The following GARRE1 variants were observed in gnomAD, a reference collection of about 807,000 sequenced individuals.
GARRE1 encodes the protein granule associated Rac and RHOG effector protein 1.
In GARRE1, 49 loss-of-function variants were observed where a neutral mutation model predicts 103.2. The observed-to-expected ratio is 0.47, with a 90% CI of 0.38 to 0.60. The LOEUF is 0.60. GARRE1 is among the 20% of genes least tolerant of loss of function. GARRE1 has a pLI of 0.00. For missense variants in GARRE1, 1,199 were observed against 1,370.5 expected (o/e 0.87, Z 1.98); for synonymous variants, 505 against 532.8 (o/e 0.95, Z 0.72).
intron 1 of GARRE1, among the ~76,000 whole-genome samples, chr19:34,258,938 G>A (rs987418745): frequency 2.6e-5 from 4 of 152,162 alleles, no homozygotes; most frequent in Non-Finnish European, 5.9e-5. Context: ...AGGGGCTCAT[G>A]CCTGTGATCC....
At chr19:34,291,938 C>T (rs185016050) in intron 1 of GARRE1, among the ~76,000 whole-genome samples, 154 of 151,918 alleles carry the variant, frequency 1.0e-3, no homozygotes, top group Middle Eastern at 3.4e-3. Context: ...TGGCTCACTG[C>T]ACCCTTCACC....
At chr19:34,271,835 AAAAAC>A (rs1367128850) in intron 1 of GARRE1, among the ~76,000 whole-genome samples, 17 of 150,636 alleles carry the variant, frequency 1.1e-4, no homozygotes, top group South Asian at 2.1e-4. Flanking sequence ...TCTCAAAAAC[AAAAAC>A]AAAAACAAAA....
At chr19:34,322,576 TAC>T (rs1302098592) in intron 3 of GARRE1, among the ~76,000 whole-genome samples, 1 of 152,198 alleles carries the variant, frequency 6.6e-6, no homozygotes, top group African/African-American at 2.4e-5. Context: ...TGCTCCATTT[TAC>T]AGAGTAAAAG....
chr19:34,300,664 A>C lies in GARRE1; in HGVS notation c.191A>C (p.His64Pro), dbSNP rs1228089139. The change falls in exon 2 of 14, where the codon CAC (histidine) becomes CCC (proline). Residue 64 changes from histidine (H) to proline (P), a missense_variant. His to Pro is a moderately conservative substitution (Grantham distance 77). Coordinates refer to ENST00000299505, the MANE Select transcript of GARRE1 (RefSeq NM_014686.5). ...AGTCTGACCGCTGCAGGCAGCTGCC[A>C]CCATGCCATGCCCCACACTACTCCT... ...LGSLTAAGSC[H>P]HAMPHTTPIA... is the part of the protein sequence containing the mutation. 1 of 1,613,968 alleles carries C rather than the reference A, an allele frequency of 6.2e-7. No individual in the cohort carries two copies. The highest frequency in any genetic ancestry group is 1.1e-5 in the South Asian group (1 of 91,084).
chr19:34,312,905 C>G (rs1233114663), intron 2 of GARRE1, among the ~76,000 whole-genome samples: 1 of 151,756 alleles, frequency 6.6e-6, no homozygotes, highest in African/African-American at 2.4e-5. Flanking sequence ...CCAGCCTGAG[C>G]AACAAAAGTG....
chr19:34,271,069 A>G (rs2145957793), intron 1 of GARRE1, among the ~76,000 whole-genome samples: 1 of 152,282 alleles, frequency 6.6e-6, no homozygotes, highest in South Asian at 2.1e-4. Flanking sequence ...GAATTGAATT[A>G]CTAATTACTA....
intron 12 of GARRE1, among the ~76,000 whole-genome samples, chr19:34,350,019 A>G (rs959675540): frequency 6.6e-6 from 1 of 152,224 alleles, no homozygotes; most frequent in Admixed American, 6.5e-5. Flanking sequence ...TGTTTGTGCC[A>G]CTGCACTCTA....
intron 8 of GARRE1, among the ~76,000 whole-genome samples, chr19:34,337,595 C>T (rs77715576): frequency 0.015 from 2,245 of 152,230 alleles, 23 homozygotes; most frequent in South Asian, 0.023. Flanking sequence ...AAGTTGTAGA[C>T]GTCAAGACTT....
chr19:34,289,536 C>T (rs991349112), intron 1 of GARRE1, among the ~76,000 whole-genome samples: 2 of 151,836 alleles, frequency 1.3e-5, no homozygotes, highest in Non-Finnish European at 1.5e-5. Context: ...ACCATCTGGC[C>T]AACATGGTGA....
At chr19:34,322,907 C>G (rs1242729151) in intron 3 of GARRE1, among the ~76,000 whole-genome samples, 1 of 151,466 alleles carries the variant, frequency 6.6e-6, no homozygotes, top group African/African-American at 2.4e-5. Flanking sequence ...TTTTTTTAAA[C>G]TATCCCAGCA....
At chr19:34,324,503 CT>C (rs397859412) in intron 3 of GARRE1, among the ~76,000 whole-genome samples, 7,394 of 135,394 alleles carry the variant, frequency 0.055, 202 homozygotes, top group South Asian at 0.16. Context: ...CACCAGTGCA[CT>C]TTTTTTTTTT....
intron 8 of GARRE1, among the ~76,000 whole-genome samples, chr19:34,334,132 GT>G (rs1390858109): frequency 6.6e-6 from 1 of 152,116 alleles, no homozygotes; most frequent in East Asian, 1.9e-4. Context: ...GTCACCCAGT[GT>G]TCACTAAAGC....
chr19:34,262,287 CT>C lies in GARRE1; in HGVS notation c.-796+7701del, dbSNP rs1018456778. ...AGTGAGCCACCATGCCCAGCTGCTG[CT>C]TTTTTTTTTTTTTTTTTTTTTTTTT... On this transcript the variant is annotated intron_variant, in intron 1 of 13. Transcript: ENST00000299505. 1.3e-3 allele frequency among the ~76,000 whole-genome samples: 48 copies of C among 35,760 alleles called. 1 individual carries two copies. Among genetic ancestry groups the C allele is most frequent in the East Asian group, 0.01 (26 of 2,600 alleles). The allele number at this position is 35,760 out of a possible 152,430, so 23.5% of individuals were successfully genotyped here.
intron 10 of GARRE1, among the ~76,000 whole-genome samples, chr19:34,345,454 C>A (rs1342692878): frequency 6.6e-6 from 1 of 152,216 alleles, no homozygotes; most frequent in Non-Finnish European, 1.5e-5. Flanking sequence ...CTCAGTTGAT[C>A]ATAGATGGTG....
chr19:34,326,712 T>TC (rs2074113528), intron 3 of GARRE1, among the ~76,000 whole-genome samples: 1 of 151,888 alleles, frequency 6.6e-6, no homozygotes, highest in African/African-American at 2.4e-5. Context: ...TTCTGGAAAC[T>TC]CCAAGTACCA....
intron 1 of GARRE1, among the ~76,000 whole-genome samples, chr19:34,272,742 G>C (rs1416779461): frequency 6.6e-6 from 1 of 152,226 alleles, no homozygotes; most frequent in African/African-American, 2.4e-5. Context: ...TTTGACAGAG[G>C]TGGGATGGTG....
chr19:34,264,950 C>G (rs2073742825), intron 1 of GARRE1, among the ~76,000 whole-genome samples: 3 of 152,100 alleles, frequency 2.0e-5, no homozygotes, highest in Non-Finnish European at 2.9e-5. Context: ...GGATTCGTGC[C>G]TAGATAGAAT....
At chr19:34,295,898 A>G (rs2073944278) in intron 1 of GARRE1, among the ~76,000 whole-genome samples, 2 of 152,166 alleles carry the variant, frequency 1.3e-5, no homozygotes, top group Non-Finnish European at 1.5e-5. Context: ...TAGTTGTCCC[A>G]TCACCATTTA....
intron 7 of GARRE1, among the ~76,000 whole-genome samples, chr19:34,333,036 G>T (rs939012182): frequency 2.0e-5 from 3 of 152,014 alleles, no homozygotes; most frequent in East Asian, 3.9e-4. Context: ...TGAAGCATTG[G>T]TTTGACTTTT....
Sources: gnomAD v4.1 joint callset for allele counts (sites outside exome capture counted in the v4.1 genomes callset) on GRCh38, gnomAD v4.1.1 for gene constraint, MANE v1.5 for transcripts, NCBI Gene and HGNC (gene_info 2026-07-23, HGNC 2026-07-21) for gene names.